FAM193A: variants seen among roughly 807,000 people sequenced by gnomAD.
FAM193A encodes the protein protein FAM193A.
In FAM193A, 22 loss-of-function variants were observed where a neutral mutation model predicts 126.5. That is an observed-to-expected ratio of 0.17 (90% CI 0.12 to 0.25). The LOEUF is 0.25. Ranked by LOEUF, FAM193A falls within the 10% of genes least tolerant of loss-of-function variation. The pLI is 1.00. For synonymous variants in FAM193A, 761 were observed against 646.8 expected, an observed-to-expected ratio of 1.18 and a Z score of -2.68; for missense variants, 1,675 against 1,672.8, an observed-to-expected ratio of 1.00 and a Z score of -0.02.
intron 2 of FAM193A, among the ~76,000 whole-genome samples, chr4:2,623,007 C>G (rs904074097): frequency 5.3e-5 from 8 of 152,074 alleles, no homozygotes; most frequent in African/African-American, 1.9e-4. Context: ...ACACAACCAG[C>G]CTGCCCCCAA....
At chr4:2,653,308 A>G (rs985590526) in intron 7 of FAM193A, among the ~76,000 whole-genome samples, 10 of 152,214 alleles carry the variant, frequency 6.6e-5, no homozygotes, top group African/African-American at 2.4e-4. Context: ...TAAAAATAAC[A>G]CATACATGTT....
At chr4:2,535,577 C>T (rs961765727), upstream of FAM193A, among the ~76,000 whole-genome samples, 2 of 152,236 alleles carry the variant, frequency 1.3e-5, no homozygotes, top group East Asian at 1.9e-4. Flanking sequence ...AGGGTCCCCC[C>T]GTGGCCCGGG....
At chr4:2,681,074 C>T (rs1050154970) in intron 13 of FAM193A, among the ~76,000 whole-genome samples, 2 of 152,246 alleles carry the variant, frequency 1.3e-5, no homozygotes, top group South Asian at 2.1e-4. Flanking sequence ...ACTGGAGCCT[C>T]GAACGCTTGA....
At chr4:2,629,202 T>G (rs1469571730) in intron 4 of FAM193A, among the ~76,000 whole-genome samples, 1 of 140,956 alleles carries the variant, frequency 7.1e-6, no homozygotes, top group Non-Finnish European at 1.6e-5. Context: ...CTTAAATTTA[T>G]AAAATACAGA....
chr4:2,580,146 A>T (rs1739836678), intron 1 of FAM193A, among the ~76,000 whole-genome samples: 1 of 152,208 alleles, frequency 6.6e-6, no homozygotes, highest in Non-Finnish European at 1.5e-5. Context: ...ATGGAGCTAG[A>T]GGCCATTATC....
chr4:2,722,555 G>A (rs947132693), intron 20 of FAM193A, among the ~76,000 whole-genome samples: 2 of 152,186 alleles, frequency 1.3e-5, no homozygotes, highest in Admixed American at 1.3e-4. Flanking sequence ...GTTAGGAGGG[G>A]ACAGCAGAGG....
At chr4:2,637,622 C>G (rs577785618) in intron 5 of FAM193A, among the ~76,000 whole-genome samples, 1 of 152,328 alleles carries the variant, frequency 6.6e-6, no homozygotes, top group African/African-American at 2.4e-5. Flanking sequence ...ACTGACAAGC[C>G]TTTCTGCCTC....
At chr4:2,552,847 C>CT (rs5855745) in intron 1 of FAM193A, among the ~76,000 whole-genome samples, 28,208 of 119,310 alleles carry the variant, frequency 0.24, 3,832 homozygotes, top group East Asian at 0.31. Flanking sequence ...ACAGAACTTT[C>CT]TTTTTTTTTT....
chr4:2,583,121 C>T (rs1012533008), intron 1 of FAM193A, among the ~76,000 whole-genome samples: 1 of 152,192 alleles, frequency 6.6e-6, no homozygotes, highest in Non-Finnish European at 1.5e-5. Flanking sequence ...TGCCACCATG[C>T]CCAGCCAATT....
At chr4:2,559,056 T>C (rs1443241063) in intron 1 of FAM193A, among the ~76,000 whole-genome samples, 1 of 152,186 alleles carries the variant, frequency 6.6e-6, no homozygotes, top group Non-Finnish European at 1.5e-5. Flanking sequence ...TTGTTAATAT[T>C]TTTCCTTCCT....
intron 7 of FAM193A, among the ~76,000 whole-genome samples, chr4:2,651,783 C>T (rs1745695720): frequency 6.6e-6 from 1 of 152,172 alleles, no homozygotes; most frequent in Non-Finnish European, 1.5e-5. Flanking sequence ...TCTGACCAGA[C>T]TGGATCCCCC....
chr4:2,726,142 G>T (rs546293937), intron 20 of FAM193A, among the ~76,000 whole-genome samples: 1 of 151,818 alleles, frequency 6.6e-6, no homozygotes, highest in Non-Finnish European at 1.5e-5. Context: ...CTCGTGATCC[G>T]CCCATCTCAG....
intron 13 of FAM193A, among the ~76,000 whole-genome samples, chr4:2,678,194 C>T (rs1714652453): frequency 6.6e-6 from 1 of 152,002 alleles, no homozygotes; most frequent in South Asian, 2.1e-4. Flanking sequence ...CTGTGTTAGC[C>T]AGGATGGTCC....
At chr4:2,670,514 A>G (rs1713666198) in intron 12 of FAM193A, among the ~76,000 whole-genome samples, 1 of 151,988 alleles carries the variant, frequency 6.6e-6, no homozygotes, top group Admixed American at 6.6e-5. Flanking sequence ...GTGCAGTGGC[A>G]TGATTACAGC....
At chr4:2,543,809 G>A (rs926148033) in intron 1 of FAM193A, among the ~76,000 whole-genome samples, 1 of 133,104 alleles carries the variant, frequency 7.5e-6, no homozygotes, top group Non-Finnish European at 1.5e-5. Flanking sequence ...GGCTGAGGTT[G>A]CAGTGAGCAG....
chr4:2,627,808 T>C (rs1743127939), intron 4 of FAM193A, among the ~76,000 whole-genome samples: 1 of 150,838 alleles, frequency 6.6e-6, no homozygotes, highest in Admixed American at 6.7e-5. Context: ...AGTGGCGCAA[T>C]CTGGGCTCAC....
intron 3 of FAM193A, 181 bp downstream of exon 3, chr4:2,625,576 G>A (rs905579053): frequency 2.0e-5 from 9 of 450,212 alleles, no homozygotes; most frequent in South Asian, 1.9e-4. Flanking sequence ...TTGAGGAACT[G>A]GCACTAGGAA....
chr4:2,621,420 G>T (rs1294903979), intron 2 of FAM193A, among the ~76,000 whole-genome samples: 2 of 152,170 alleles, frequency 1.3e-5, no homozygotes, highest in African/African-American at 4.8e-5. Context: ...CCAATCAGAG[G>T]CTCACTGACT....
intron 14 of FAM193A, 135 bp downstream of exon 14, chr4:2,689,839 G>A (rs756516285): frequency 5.0e-6 from 3 of 603,804 alleles, no homozygotes; most frequent in African/African-American, 3.9e-5. Context: ...TCCAGTGGGA[G>A]GCCCCTCGGG....
Sources: gnomAD v4.1 joint callset for allele counts (sites outside exome capture counted in the v4.1 genomes callset) on GRCh38, gnomAD v4.1.1 for gene constraint, MANE v1.5 for transcripts, NCBI Gene and HGNC (gene_info 2026-07-23, HGNC 2026-07-21) for gene names.